The following GRIP1 variants were observed in gnomAD, a reference collection of about 807,000 sequenced individuals.
The protein encoded by GRIP1 is glutamate receptor interacting protein 1.
In GRIP1, 45 loss-of-function variants were observed where a neutral mutation model predicts 129.9. The observed-to-expected ratio is 0.35, with a 90% CI of 0.27 to 0.44. GRIP1 has a LOEUF of 0.44. Among genes scored for constraint, GRIP1 ranks in the 20% least tolerant of loss-of-function variants. The probability of loss-of-function intolerance (pLI) is 1.00; values close to 1 mark genes in which losing one functional copy is unlikely to be tolerated. For missense variants in GRIP1, 1,196 were observed against 1,396.8 expected, an observed-to-expected ratio of 0.86 and a Z score of 2.29; for synonymous variants, 530 against 520.8, an observed-to-expected ratio of 1.02 and a Z score of -0.24.
chr12:66,875,289 A>T (rs2094524038), intron 1 of GRIP1, among the ~76,000 whole-genome samples: 1 of 152,090 alleles, frequency 6.6e-6, no homozygotes, highest in African/African-American at 2.4e-5. Flanking sequence ...CACTGCCATC[A>T]TCAGAAAGAA....
At chr12:66,388,434 C>T (rs144014202) in intron 19 of GRIP1, among the ~76,000 whole-genome samples, 7 of 152,268 alleles carry the variant, frequency 4.6e-5, no homozygotes, top group African/African-American at 1.4e-4. Context: ...AGCTATTCAG[C>T]CCGCGAGCAT....
intron 14 of GRIP1, among the ~76,000 whole-genome samples, chr12:66,426,258 A>G (rs992365178): frequency 6.6e-6 from 1 of 152,158 alleles, no homozygotes; most frequent in Non-Finnish European, 1.5e-5. Flanking sequence ...TTCTTTCTGT[A>G]ACACCTATTA....
chr12:66,771,668 C>T (rs1354193325), intron 1 of GRIP1, among the ~76,000 whole-genome samples: 2 of 152,206 alleles, frequency 1.3e-5, no homozygotes, highest in Non-Finnish European at 2.9e-5. Context: ...CACAAATGAC[C>T]TGGCTTTTCA....
intron 5 of GRIP1, among the ~76,000 whole-genome samples, chr12:66,524,623 A>C (rs1408542183): frequency 6.6e-6 from 1 of 152,094 alleles, no homozygotes; most frequent in Non-Finnish European, 1.5e-5. Context: ...AAAGAACTAG[A>C]AAAGCAAGAG....
chr12:66,996,053 G>A (rs73133682), intron 1 of GRIP1, among the ~76,000 whole-genome samples: 13,875 of 152,088 alleles, frequency 0.091, 706 homozygotes, highest in African/African-American at 0.1. Flanking sequence ...ACCACATATT[G>A]TATGAATCCA....
At chr12:66,617,097 G>A (rs1320428737) in intron 1 of GRIP1, among the ~76,000 whole-genome samples, 1 of 146,994 alleles carries the variant, frequency 6.8e-6, no homozygotes, top group Non-Finnish European at 1.5e-5. Flanking sequence ...GTGTGTGTGT[G>A]TGTGTGTGTG....
At chr12:66,788,915 T>C (rs893998743) in intron 1 of GRIP1, among the ~76,000 whole-genome samples, 1 of 152,132 alleles carries the variant, frequency 6.6e-6, no homozygotes, top group Non-Finnish European at 1.5e-5. Flanking sequence ...TTTGTTTTTT[T>C]AAGCTGCCAA....
chr12:66,587,651 G>A (rs1044163554), intron 2 of GRIP1, among the ~76,000 whole-genome samples: 4 of 152,176 alleles, frequency 2.6e-5, no homozygotes, highest in African/African-American at 9.7e-5. Flanking sequence ...GGTCAGTTTA[G>A]AGGAACACTC....
intron 1 of GRIP1, among the ~76,000 whole-genome samples, chr12:66,999,754 CAG>C (rs1335840252): frequency 6.6e-6 from 1 of 152,030 alleles, no homozygotes. Context: ...AAAAGAAAAA[CAG>C]AGAGAGAAGA....
chr12:66,650,040 C>T (rs2032678351), intron 1 of GRIP1, among the ~76,000 whole-genome samples: 1 of 152,168 alleles, frequency 6.6e-6, no homozygotes, highest in Non-Finnish European at 1.5e-5. Context: ...ATTTCCACTA[C>T]ACCACAGTGT....
intron 5 of GRIP1, among the ~76,000 whole-genome samples, chr12:66,527,748 T>G (rs1460719276): frequency 6.6e-6 from 1 of 152,014 alleles, no homozygotes; most frequent in African/African-American, 2.4e-5. Flanking sequence ...AAGTGGGTGC[T>G]AAGCATTGAG....
chr12:66,405,567 G>C (rs2057161884), intron 16 of GRIP1, among the ~76,000 whole-genome samples: 1 of 152,166 alleles, frequency 6.6e-6, no homozygotes. Context: ...GTTTTAACAA[G>C]CTCTTCAGAT....
chr12:66,714,637 A>T (rs1224301247), intron 1 of GRIP1, among the ~76,000 whole-genome samples: 1 of 152,080 alleles, frequency 6.6e-6, no homozygotes, highest in East Asian at 1.9e-4. Context: ...TTTCATGCAC[A>T]ATTTACAATG....
At chr12:66,559,383 G>A (rs1260233206) in intron 2 of GRIP1, among the ~76,000 whole-genome samples, 3 of 152,062 alleles carry the variant, frequency 2.0e-5, no homozygotes, top group African/African-American at 7.2e-5. Flanking sequence ...CGGAAAGGAA[G>A]AAGTCAAATT....
chr12:66,568,334 T>C (rs1306346673), intron 2 of GRIP1: 1 of 178,626 alleles, frequency 5.6e-6, no homozygotes, highest in East Asian at 1.6e-4. Context: ...AGGTTGGATA[T>C]GCAAAAAATG....
chr12:66,423,911 C>G (rs2057895112), intron 14 of GRIP1, among the ~76,000 whole-genome samples: 2 of 152,280 alleles, frequency 1.3e-5, no homozygotes, highest in African/African-American at 4.8e-5. Context: ...CTTGAAATTT[C>G]AGCTGAACTG....
chr12:66,847,574 T>C (rs991434218), intron 1 of GRIP1, among the ~76,000 whole-genome samples: 3 of 152,196 alleles, frequency 2.0e-5, no homozygotes, highest in African/African-American at 7.2e-5. Flanking sequence ...TACTTATGTA[T>C]GTCATTAATG....
chr12:66,468,129 A>G (rs1565771964), intron 7 of GRIP1, among the ~76,000 whole-genome samples: 1 of 152,174 alleles, frequency 6.6e-6, no homozygotes, highest in Non-Finnish European at 1.5e-5. Flanking sequence ...CCCTTGCAGC[A>G]AGGTGTAGCC....
At position 66,798,473 on chromosome 12, in the gene GRIP1, GAGGCAT is replaced by G. The variant is rs1021530616; in HGVS notation, c.-420+5574_-420+5579del. On this transcript the variant is annotated intron_variant, in intron 1 of 4. Transcript: ENST00000538373. ...CATATAACTTACAATGTATTTAAAG[GAGGCAT>G]AGGTTTATTCAGTAACTTGCCTTGT... Among the ~76,000 whole-genome samples, 19 of 152,258 alleles carry G rather than the reference GAGGCAT, an allele frequency of 1.2e-4. 1 individual carries two copies. The highest frequency in any genetic ancestry group is 4.6e-4 in the African/African-American group (19 of 41,554).
Sources: gnomAD v4.1 joint callset for allele counts (sites outside exome capture counted in the v4.1 genomes callset) on GRCh38, gnomAD v4.1.1 for gene constraint, MANE v1.5 for transcripts, NCBI Gene and HGNC (gene_info 2026-07-23, HGNC 2026-07-21) for gene names.